AKAP12: variants seen among roughly 807,000 people sequenced by gnomAD.
AKAP12 encodes A-kinase anchoring protein 12, also known as A-kinase anchor protein 12.
AKAP12 carries 32 observed loss-of-function variants against 79.9 expected under a neutral mutation model. The observed-to-expected ratio is 0.40, with a 90% CI of 0.30 to 0.54. The LOEUF (loss-of-function observed/expected upper bound fraction) is 0.54, where lower values mean the gene tolerates loss of function less well. Among genes scored for constraint, AKAP12 ranks in the 20% least tolerant of loss-of-function variants. The probability of loss-of-function intolerance (pLI) is 0.48; values close to 1 mark genes in which losing one functional copy is unlikely to be tolerated. For synonymous variants in AKAP12, 808 were observed against 857.0 expected, an observed-to-expected ratio of 0.94 and a Z score of 1.00; for missense variants, 2,074 against 2,177.0, an observed-to-expected ratio of 0.95 and a Z score of 0.94.
In AKAP12 at chr6:151,313,995, G is replaced by A. The variant is rs535350303; in HGVS notation, c.319+8092G>A. On this transcript the variant is annotated intron_variant, in intron 3 of 4. Coordinates refer to ENST00000402676, the MANE Select transcript of AKAP12 (RefSeq NM_005100.4). ...GCAATCCACTTGGTAATTCCGTTAT[G>A]CCTTTTTATAAAAATACTTTTATGG... Among the ~76,000 whole-genome samples, 11 of 151,742 alleles carry A rather than the reference G, an allele frequency of 7.2e-5. No individual in the cohort carries two copies. The South Asian group carries it at 1.9e-3, about 26-fold the overall frequency.
At chr6:151,331,380 G>A (rs1456511189) in intron 3 of AKAP12, among the ~76,000 whole-genome samples, 5 of 152,072 alleles carry the variant, frequency 3.3e-5, no homozygotes, top group Non-Finnish European at 7.4e-5. Context: ...CTTAAAAATA[G>A]GGTGAGAGGT....
intron 3 of AKAP12, among the ~76,000 whole-genome samples, chr6:151,344,690 C>T (rs1224155111): frequency 1.1e-4 from 17 of 152,142 alleles, no homozygotes; most frequent in African/African-American, 3.6e-4. Flanking sequence ...CCCGCCACTA[C>T]GCCTGGCTGG....
intron 2 of AKAP12, among the ~76,000 whole-genome samples, chr6:151,290,197 C>T (rs1582859378): frequency 6.6e-6 from 1 of 152,104 alleles, no homozygotes; most frequent in East Asian, 1.9e-4. Context: ...TCCTTCTCCA[C>T]TGAATTCAGG....
chr6:151,242,270 C>G (rs1194316526), intron 2 of AKAP12, among the ~76,000 whole-genome samples: 1 of 152,164 alleles, frequency 6.6e-6, no homozygotes, highest in African/African-American at 2.4e-5. Context: ...TAACTGTTCA[C>G]CCTGAAATAT....
rs1374991667 is a variant in AKAP12 at position 151,348,799 on chromosome 6, T to A, written c.408T>A (p.Asp136Glu). 1 of 1,605,342 alleles carries A rather than the reference T, an allele frequency of 6.2e-7. No individual in the cohort carries two copies. The highest frequency in any genetic ancestry group is 1.7e-5 in the Admixed American group (1 of 59,022). The change falls in exon 4 of 5, where the codon GAT becomes GAA. Residue 136 changes from aspartate to glutamate, a missense_variant. Asp to Glu is a conservative substitution (Grantham distance 45). Coordinates refer to ENST00000402676, the MANE Select transcript of AKAP12 (RefSeq NM_005100.4). ...CAGCGGTTGTTCACGACATCACAGA[T>A]GATGGGCAGGAGGAGACACCCGAAA... ...TKSAVVHDIT[D>E]DGQEETPEII...
intron 2 of AKAP12, among the ~76,000 whole-genome samples, chr6:151,276,802 A>G (rs11966225): frequency 0.15 from 22,482 of 152,296 alleles, 1,886 homozygotes; most frequent in Middle Eastern, 0.22. Context: ...TGAATGCTTT[A>G]GATCACCCAT....
In AKAP12 at chr6:151,269,987, T is replaced by C. The variant is rs181618644; in HGVS notation, c.162+29263T>C. ...GAATCATACAATATGTGGCCTTTTG[T>C]GTCTGGCTTTCATTTATTATGGTGT... On this transcript the variant is annotated intron_variant, in intron 2 of 4. Coordinates refer to ENST00000402676, the MANE Select transcript of AKAP12 (RefSeq NM_005100.4). Among the ~76,000 whole-genome samples, 37 of 152,342 alleles carry C rather than the reference T, an allele frequency of 2.4e-4. No homozygotes were observed. In the East Asian group the frequency reaches 5.2e-3, roughly 21 times the overall value.
rs1778429357 is a variant in AKAP12 at position 151,355,938 on chromosome 6, C to G, written c.*224C>G. 3 of 152,592 alleles carry G rather than the reference C, an allele frequency of 2.0e-5. No individual in the cohort carries two copies. The South Asian group carries it at 6.2e-4, about 32-fold the overall frequency. The allele number at this position is 152,592 out of a possible 1,614,324, so 9.5% of individuals were successfully genotyped here. On this transcript the variant is annotated 3_prime_UTR_variant, in exon 5 of 5. Transcript: ENST00000402676. ...AACATTTCCTCTTTCCAAGACCAAC[C>G]TACAATTTTCCCTTGATAACCATAT...
intron 3 of AKAP12, among the ~76,000 whole-genome samples, chr6:151,336,853 G>A (rs143977979): frequency 6.6e-5 from 10 of 152,254 alleles, no homozygotes; most frequent in South Asian, 2.1e-4. Context: ...TTTCTTTGCC[G>A]TTTGTATGTC....
At chr6:151,333,229 A>G (rs2114796801) in intron 3 of AKAP12, among the ~76,000 whole-genome samples, 1 of 152,182 alleles carries the variant, frequency 6.6e-6, no homozygotes, top group African/African-American at 2.4e-5. Flanking sequence ...ACGGGTTAGC[A>G]CTGGCTGCCT....
chr6:151,278,381 A>G (rs1432691818), intron 2 of AKAP12, among the ~76,000 whole-genome samples: 18 of 151,864 alleles, frequency 1.2e-4, no homozygotes, highest in Admixed American at 9.2e-4. Context: ...ATGCCCAGCT[A>G]ATTTTTGTGT....
intron 2 of AKAP12, among the ~76,000 whole-genome samples, chr6:151,278,917 C>T (rs1022178353): frequency 4.6e-5 from 7 of 150,974 alleles, no homozygotes; most frequent in East Asian, 4.0e-4. Flanking sequence ...TCCGCCTGCC[C>T]CGGCCTCCCA....
At position 151,352,340 on chromosome 6, in the gene AKAP12, G is replaced by A. The variant is rs751042076; in HGVS notation, c.3949G>A (p.Asp1317Asn). Reference protein sequence around the residue: ...EGTEEAECKKDDALELQSHAK... With the variant: ...EGTEEAECKKNDALELQSHAK... ...GACAGAAGAAGCTGAATGTAAAAAGGATGATGCTCTTGAACTGCAGAGTCA... is the reference window on the plus strand; with the variant it reads ...GACAGAAGAAGCTGAATGTAAAAAGAATGATGCTCTTGAACTGCAGAGTCA... The change falls in exon 4 of 5, where the codon GAT (aspartate) becomes AAT (asparagine). Residue 1317 changes from aspartate (D) to asparagine (N), a missense_variant. Transcript: ENST00000402676. The A allele has an allele frequency of 8.1e-6, 13 of 1,614,176 alleles. 1 individual carries two copies. In the East Asian group the frequency reaches 2.9e-4, roughly 36 times the overall value.
In AKAP12 at chr6:151,301,895, A is replaced by G. The variant is rs534590025; in HGVS notation, c.163-3852A>G. ...TGTGGTTACTGAAAATTAGTATCTC[A>G]TAATGTATTCATTATCATACTTAGG... On this transcript the variant is annotated intron_variant, in intron 2 of 4. Transcript: ENST00000402676. Among the ~76,000 whole-genome samples the G allele has an allele frequency of 4.4e-3, 669 of 152,322 alleles. 6 individuals carry two copies. Among genetic ancestry groups the G allele is most frequent in the African/African-American group, 0.015 (619 of 41,572 alleles).
chr6:151,319,722 CT>C, intron 3 of AKAP12: 1 of 159,460 alleles, frequency 6.3e-6, no homozygotes. Flanking sequence ...CGGGTGTCCC[CT>C]TCCTCCCTCA....
rs1167048166 is a variant in AKAP12 at position 151,349,665 on chromosome 6, A to G, written c.1274A>G (p.Glu425Gly). The G allele has an allele frequency of 1.4e-5, 22 of 1,613,994 alleles. No homozygotes were observed. The highest frequency in any genetic ancestry group is 1.9e-5 in the Non-Finnish European group (22 of 1,180,022). ...GCCGAAGTCCACGTCAGCACCGTGG[A>G]GGAGAGAACCGAAGAGCAGAAAACG... Reference protein sequence around the residue: ...VVAEVHVSTVEERTEEQKTEV... With the variant: ...VVAEVHVSTVGERTEEQKTEV... Residue 425 changes from glutamate to glycine, a missense_variant, in exon 4 of 5, where the codon GAG becomes GGG. Coordinates refer to ENST00000402676, the MANE Select transcript of AKAP12 (RefSeq NM_005100.4).
chr6:151,290,895 C>G (rs112298781), intron 2 of AKAP12, among the ~76,000 whole-genome samples: 253 of 152,316 alleles, frequency 1.7e-3, no homozygotes, highest in African/African-American at 5.8e-3. Flanking sequence ...CAGGCGTGAG[C>G]CACCTTGCCC....
At position 151,349,283 on chromosome 6, in the gene AKAP12, A is replaced by C. The variant is rs747963991; in HGVS notation, c.892A>C (p.Lys298Gln). Residue 298 changes from lysine (K) to glutamine (Q), a missense_variant, in exon 4 of 5, where the codon AAA becomes CAA. By Grantham distance (53) the Lys-to-Gln change is moderately conservative (BLOSUM62 1). Transcript: ENST00000402676. Reference protein sequence around the residue: ...VTSETGSTFKKFFTQGWAGWR... With the variant: ...VTSETGSTFKQFFTQGWAGWR... ...CAGTGAAACAGGATCAACCTTCAAA[A>C]AATTCTTCACTCAAGGTTGGGCCGG... 20 of 1,613,254 alleles carry C rather than the reference A, an allele frequency of 1.2e-5. No individual in the cohort carries two copies. The highest frequency in any genetic ancestry group is 1.7e-5 in the Admixed American group (1 of 59,720).
chr6:151,321,520 T>C (rs1777386793), intron 3 of AKAP12, among the ~76,000 whole-genome samples: 1 of 152,208 alleles, frequency 6.6e-6, no homozygotes, highest in East Asian at 1.9e-4. Context: ...GTACTTTATT[T>C]CTTATTACTT....
Sources: allele counts gnomAD v4.1 joint callset (sites outside exome capture counted in the v4.1 genomes callset), GRCh38; gene constraint gnomAD v4.1.1; transcripts MANE v1.5; gene names NCBI Gene and HGNC (gene_info 2026-07-23, HGNC 2026-07-21).